The following PLCG2 variants were observed in gnomAD, a reference collection of about 807,000 sequenced individuals.
The protein encoded by PLCG2 is 1-phosphatidylinositol 4,5-bisphosphate phosphodiesterase gamma-2.
A neutral mutation model predicts 175.6 loss-of-function variants in PLCG2; 69 were observed. The ratio of observed to expected loss-of-function variants is 0.39; its 90% CI spans 0.32 to 0.48. PLCG2 has a LOEUF of 0.48. Among genes scored for constraint, PLCG2 ranks in the 20% least tolerant of loss-of-function variants. The pLI is 0.91. For missense variants in PLCG2, 1,798 were observed against 1,650.9 expected, an observed-to-expected ratio of 1.09 and a Z score of -1.54; for synonymous variants, 827 against 624.0, an observed-to-expected ratio of 1.33 and a Z score of -4.85.
intron 1 of PLCG2, among the ~76,000 whole-genome samples, chr16:81,781,865 TCCC>T (rs11355840): frequency 1.6e-4 from 6 of 36,660 alleles, no homozygotes; most frequent in African/African-American, 3.4e-4. Flanking sequence ...TCATGTCCTT[TCCC>T]CCCCCCCCCC....
intron 1 of PLCG2, among the ~76,000 whole-genome samples, chr16:81,753,181 A>G (rs1909847685): frequency 6.6e-6 from 1 of 151,958 alleles, no homozygotes; most frequent in African/African-American, 2.4e-5. Context: ...CCGCCACCTC[A>G]GCCTGGCTTC....
At chr16:81,817,053 T>G (rs1209629308) in intron 2 of PLCG2, among the ~76,000 whole-genome samples, 1 of 152,166 alleles carries the variant, frequency 6.6e-6, no homozygotes, top group African/African-American at 2.4e-5. Flanking sequence ...GGCACAACCA[T>G]CACAGTGTCC....
chr16:81,860,169 A>ATTAT (rs1555513297), intron 5 of PLCG2, among the ~76,000 whole-genome samples: 12 of 93,392 alleles, frequency 1.3e-4, no homozygotes, highest in South Asian at 6.8e-4. Flanking sequence ...TATTATTATT[A>ATTAT]TTATTTTTTT....
intron 2 of PLCG2, among the ~76,000 whole-genome samples, chr16:81,818,883 A>ATTGTTTTTTTTT (rs1904669637): frequency 9.4e-6 from 1 of 106,644 alleles, no homozygotes; most frequent in Non-Finnish European, 1.8e-5. Context: ...GGGCTCATGG[A>ATTGTTTTTTTTT]TTTTTTTTTT....
At chr16:81,870,998 G>T in intron 7 of PLCG2, 63 bp downstream of exon 7, 1 of 888,878 alleles carries the variant, frequency 1.1e-6, no homozygotes, top group South Asian at 1.5e-5. Context: ...TTCCAAGTCT[G>T]GCATGTTCCT....
At chr16:81,810,336 G>A (rs57156891) in intron 2 of PLCG2, among the ~76,000 whole-genome samples, 20,107 of 152,252 alleles carry the variant, frequency 0.13, 1,410 homozygotes, top group Middle Eastern at 0.18. Context: ...ACGTAACGTG[G>A]CCATGAGCAG....
chr16:81,755,328 C>T (rs1265594441), intron 1 of PLCG2, among the ~76,000 whole-genome samples: 2 of 151,578 alleles, frequency 1.3e-5, no homozygotes, highest in Admixed American at 6.6e-5. Flanking sequence ...TCCCAAGTAG[C>T]TGGGGCTACA....
chr16:81,869,338 G>C (rs563204700), intron 6 of PLCG2, 40 bp downstream of exon 6: 1 of 1,397,408 alleles, frequency 7.2e-7, no homozygotes, highest in Admixed American at 1.7e-5. Context: ...TATGAATGCG[G>C]AGTGACTTAG....
chr16:81,796,891 A>T (rs1487832246), intron 2 of PLCG2, among the ~76,000 whole-genome samples: 3 of 152,200 alleles, frequency 2.0e-5, no homozygotes, highest in African/African-American at 7.2e-5. Flanking sequence ...GTATTTCATG[A>T]GTGGCAGGCC....
chr16:81,787,891 G>A (rs560084119), intron 2 of PLCG2, among the ~76,000 whole-genome samples: 13 of 152,250 alleles, frequency 8.5e-5, no homozygotes, highest in South Asian at 8.3e-4. Context: ...ACTTTGTTGC[G>A]TGGATCAGAA....
intron 27 of PLCG2, among the ~76,000 whole-genome samples, chr16:81,936,834 G>T (rs1414108023): frequency 1.3e-5 from 2 of 152,130 alleles, no homozygotes; most frequent in African/African-American, 2.4e-5. Flanking sequence ...TGTTATTTAA[G>T]ACCTCTTTCG....
chr16:81,870,013 A>T (rs1036307105), intron 6 of PLCG2, among the ~76,000 whole-genome samples: 1 of 152,216 alleles, frequency 6.6e-6, no homozygotes, highest in Admixed American at 6.5e-5. Context: ...CCTCAGTGCA[A>T]AAAGCTCATT....
chr16:81,944,880 A>G (rs1398659833), intron 30 of PLCG2, among the ~76,000 whole-genome samples: 2 of 152,140 alleles, frequency 1.3e-5, no homozygotes, highest in African/African-American at 4.8e-5. Context: ...TGTAGAGTAA[A>G]AGTTTCGTAC....
intron 17 of PLCG2, 116 bp downstream of exon 17, chr16:81,908,707 G>T: frequency 1.1e-6 from 1 of 870,828 alleles, no homozygotes; most frequent in Non-Finnish European, 1.7e-6. Flanking sequence ...TGAATCCCAG[G>T]CTTCATTTGT....
chr16:81,934,154 C>A (rs189166967), intron 25 of PLCG2, among the ~76,000 whole-genome samples: 2 of 152,142 alleles, frequency 1.3e-5, no homozygotes, highest in Admixed American at 1.3e-4. Context: ...CAGAGAAGAG[C>A]CCCCTTCCAT....
intron 2 of PLCG2, chr16:81,766,765 G>A (rs1910160144): frequency 6.6e-6 from 1 of 152,154 alleles, no homozygotes; most frequent in African/African-American, 2.4e-5. Flanking sequence ...GTTCAGTATT[G>A]TTCATGGAGT....
rs1222405082 is a variant in PLCG2, at chr16:81,961,867, T to C, written c.*3869T>C. The C allele has an allele frequency of 1.0e-5, 2 of 199,698 alleles. No individual in the cohort carries two copies. Among genetic ancestry groups the C allele is most frequent in the East Asian group, 7.8e-5 (1 of 12,800 alleles). 12.4% of individuals were successfully genotyped at this position (199,698 alleles called of 1,614,324 possible). A position where few individuals can be genotyped will look rare whatever the true frequency, so the allele number is the denominator to read the frequency against. ...GTCAATATAGCAATGTGCAAGAAGA[T>C]AGAGATTTTCAAAATTCACTTAAGA... On this transcript the variant is annotated 3_prime_UTR_variant, in exon 33 of 33. Coordinates refer to ENST00000564138, the MANE Select transcript of PLCG2 (RefSeq NM_002661.5).
intron 1 of PLCG2, among the ~76,000 whole-genome samples, chr16:81,782,325 C>T (rs946881589): frequency 5.8e-4 from 88 of 151,812 alleles, no homozygotes; most frequent in African/African-American, 2.0e-3. Context: ...CAAAATAAGT[C>T]ATTTTATAGA....
At chr16:81,753,645 G>A (rs1909859887) in intron 1 of PLCG2, among the ~76,000 whole-genome samples, 1 of 152,158 alleles carries the variant, frequency 6.6e-6, no homozygotes, top group African/African-American at 2.4e-5. Context: ...CTGGCCTCAA[G>A]TGATCTCCCT....
Sources: allele counts gnomAD v4.1 joint callset (sites outside exome capture counted in the v4.1 genomes callset), GRCh38; gene constraint gnomAD v4.1.1; transcripts MANE v1.5; gene names NCBI Gene and HGNC (gene_info 2026-07-23, HGNC 2026-07-21).